The following ARHGAP5 variants were observed in gnomAD, a reference collection of about 807,000 sequenced individuals.
The protein encoded by ARHGAP5 is Rho GTPase activating protein 5, also known as rho GTPase-activating protein 5.
A neutral mutation model predicts 116.6 loss-of-function variants in ARHGAP5; 23 were observed. The ratio of observed to expected loss-of-function variants is 0.20; its 90% CI spans 0.14 to 0.28. The LOEUF (loss-of-function observed/expected upper bound fraction) is 0.28, where lower values mean the gene tolerates loss of function less well. Among genes scored for constraint, ARHGAP5 ranks in the 10% least tolerant of loss-of-function variants. The pLI is 1.00. For synonymous variants in ARHGAP5, 574 were observed against 602.0 expected, an observed-to-expected ratio of 0.95 and a Z score of 0.68; for missense variants, 1,405 against 1,774.8, an observed-to-expected ratio of 0.79 and a Z score of 3.74.
intron 3 of ARHGAP5, among the ~76,000 whole-genome samples, chr14:32,138,042 C>T (rs1247258573): frequency 6.7e-6 from 1 of 150,114 alleles, no homozygotes; most frequent in African/African-American, 2.4e-5. Context: ...AGATCTTGAT[C>T]TTTAGTTTCT....
At chr14:32,121,898 T>C (rs1879905491) in intron 3 of ARHGAP5, among the ~76,000 whole-genome samples, 1 of 152,264 alleles carries the variant, frequency 6.6e-6, no homozygotes, top group African/African-American at 2.4e-5. Context: ...ATTCATGTTG[T>C]ATCACCTATC....
At chr14:32,084,626 A>T (rs2041810773) in intron 1 of ARHGAP5, among the ~76,000 whole-genome samples, 1 of 152,154 alleles carries the variant, frequency 6.6e-6, no homozygotes, top group Non-Finnish European at 1.5e-5. Context: ...CTTCTACGTT[A>T]TTTAGTCACC....
chr14:32,105,576 G>T (rs1878978699), intron 2 of ARHGAP5, among the ~76,000 whole-genome samples: 1 of 151,962 alleles, frequency 6.6e-6, no homozygotes, highest in African/African-American at 2.4e-5. Context: ...CACAGCCAGG[G>T]TGTTGACATT....
At chr14:32,107,177 A>T (rs190631345) in intron 2 of ARHGAP5, among the ~76,000 whole-genome samples, 1 of 152,356 alleles carries the variant, frequency 6.6e-6, no homozygotes, top group East Asian at 1.9e-4. Flanking sequence ...TGCACATAGT[A>T]TAGTAATTTC....
chr14:32,088,080 T>G (rs2041848374), intron 1 of ARHGAP5, among the ~76,000 whole-genome samples: 1 of 152,014 alleles, frequency 6.6e-6, no homozygotes, highest in South Asian at 2.1e-4. Context: ...CTCAGTATTT[T>G]GGGGTTTATG....
chr14:32,084,664 T>G (rs1030301852), intron 1 of ARHGAP5, among the ~76,000 whole-genome samples: 1 of 152,172 alleles, frequency 6.6e-6, no homozygotes, highest in African/African-American at 2.4e-5. Flanking sequence ...TTTTAATAGG[T>G]TGGTTCTCTC....
chr14:32,145,908 C>A (rs1213825987), intron 3 of ARHGAP5, among the ~76,000 whole-genome samples: 1 of 152,032 alleles, frequency 6.6e-6, no homozygotes, highest in Non-Finnish European at 1.5e-5. Flanking sequence ...AGATTAAGTA[C>A]ATTTATTGTT....
At chr14:32,090,069 T>A (rs1288351729) in intron 1 of ARHGAP5, among the ~76,000 whole-genome samples, 1 of 151,974 alleles carries the variant, frequency 6.6e-6, no homozygotes. Context: ...AGGAACCCTA[T>A]AATGTAAAAA....
In ARHGAP5 at chr14:32,092,177, A is replaced by T. The variant is rs781595022; in HGVS notation, c.1508A>T (p.Asp503Val). 5 of 1,613,736 alleles carry T rather than the reference A, an allele frequency of 3.1e-6. No homozygotes were observed. The highest frequency in any genetic ancestry group is 4.2e-6 in the Non-Finnish European group (5 of 1,179,768). Residue 503 changes from aspartate to valine, a missense_variant, in exon 2 of 7, where the codon GAT becomes GTT. Coordinates refer to ENST00000345122, the MANE Select transcript of ARHGAP5 (RefSeq NM_001030055.2). The surrounding 1 kb of genome is among the most constrained non-coding windows in gnomAD (Gnocchi z 4.1). Reference sequence around the variant, plus strand: ...TTTGAGCATTCTGAACTTTTTTATGATTTAGATCTTAATGCAACACCTAGT... The same window carrying T: ...TTTGAGCATTCTGAACTTTTTTATGTTTTAGATCTTAATGCAACACCTAGT... Reference protein sequence around the residue: ...MLFEHSELFYDLDLNATPSSD... With the variant: ...MLFEHSELFYVLDLNATPSSD...
chr14:32,116,438 AAAT>A (rs1226293417), intron 2 of ARHGAP5, among the ~76,000 whole-genome samples: 3 of 129,996 alleles, frequency 2.3e-5, no homozygotes, highest in African/African-American at 8.7e-5. Context: ...AAATACAAAA[AAAT>A]AATTAGCCGG....
At chr14:32,090,385 T>G in intron 1 of ARHGAP5, 117 bp from the exon 2 acceptor site, 1 of 421,396 alleles carries the variant, frequency 2.4e-6, no homozygotes, top group Non-Finnish European at 4.2e-6. Context: ...AGTTACCTCT[T>G]AAAATACATG....
intron 1 of ARHGAP5, among the ~76,000 whole-genome samples, chr14:32,081,672 G>A (rs924341631): frequency 3.3e-5 from 5 of 151,654 alleles, no homozygotes; most frequent in Admixed American, 6.6e-5. Context: ...AAATAAACAC[G>A]TAACGTTGGC....
intron 3 of ARHGAP5, among the ~76,000 whole-genome samples, chr14:32,122,676 T>C (rs1436527358): frequency 6.6e-6 from 1 of 152,200 alleles, no homozygotes; most frequent in African/African-American, 2.4e-5. Flanking sequence ...CCATTTTGAC[T>C]TAATTTTTGT....
At chr14:32,086,933 G>A (rs902509539) in intron 1 of ARHGAP5, among the ~76,000 whole-genome samples, 10 of 152,134 alleles carry the variant, frequency 6.6e-5, no homozygotes, top group Admixed American at 5.9e-4. Context: ...GATTGGGAAT[G>A]AAGAGATTTT....
intron 3 of ARHGAP5, among the ~76,000 whole-genome samples, chr14:32,133,981 C>T (rs1880651442): frequency 6.6e-6 from 1 of 152,114 alleles, no homozygotes; most frequent in Admixed American, 6.5e-5. Context: ...ATGAGGCCAG[C>T]TTCATCCCGA....
rs772954103 is a variant in ARHGAP5 at position 32,092,083 on chromosome 14, A to G, written c.1414A>G (p.Lys472Glu). Residue 472 changes from lysine (K) to glutamate (E), a missense_variant, in exon 2 of 7, where the codon AAA becomes GAA. By Grantham distance (56) the Lys-to-Glu change is moderately conservative (BLOSUM62 1). This residue lies in a region of ARHGAP5 where 944 missense variants were observed against 1,095.3 expected (regional missense o/e 0.86). Coordinates refer to ENST00000345122, the MANE Select transcript of ARHGAP5 (RefSeq NM_001030055.2). The surrounding 1 kb of genome is among the most constrained non-coding windows in gnomAD (Gnocchi z 4.1). ...CAAATATATCACTGAGGCTGATAGCAAAGAGGTATATGGTAGGCATCAGCG... is the reference window on the plus strand; with the variant it reads ...CAAATATATCACTGAGGCTGATAGCGAAGAGGTATATGGTAGGCATCAGCG... ...AYKYITEADS[K>E]EVYGRHQREI... 2.5e-6 allele frequency: 4 copies of G among 1,613,892 alleles called. No individual in the cohort carries two copies. The South Asian group carries it at 3.3e-5, about 13-fold the overall frequency.
Position 32,091,215 on chromosome 14 carries a change from C to A in ARHGAP5, c.546C>A (p.Asn182Lys). The A allele has an allele frequency of 2.5e-6, 4 of 1,612,852 alleles. No individual in the cohort carries two copies. Among genetic ancestry groups the A allele is most frequent in the Non-Finnish European group, 3.4e-6 (4 of 1,179,446 alleles). ...KFDDQLKFVN[N>K]LFVQLSKSKK... The stretch of plus-strand genomic sequence containing the variant: ...ATGATCAACTTAAATTTGTGAATAA[C>A]CTTTTTGTCCAGTTATCAAAATCAA... Residue 182 changes from asparagine to lysine, a missense_variant, in exon 2 of 7, where the codon AAC (asparagine) becomes AAA (lysine). Transcript: ENST00000345122.
chr14:32,152,379 ATG>A, intron 5 of ARHGAP5, 42 bp from the exon 6 acceptor site: 1 of 1,276,976 alleles, frequency 7.8e-7, no homozygotes, highest in Middle Eastern at 2.6e-4. Flanking sequence ...ATATTTTTAA[ATG>A]TGTAAGTTTT....
chr14:32,126,441 G>A (rs1052822247), intron 3 of ARHGAP5, among the ~76,000 whole-genome samples: 3 of 152,192 alleles, frequency 2.0e-5, no homozygotes, highest in South Asian at 2.1e-4. Flanking sequence ...ATGTGCGTGC[G>A]CAGGTGTGTT....
Sources: allele counts gnomAD v4.1 joint callset (sites outside exome capture counted in the v4.1 genomes callset), GRCh38; gene constraint gnomAD v4.1.1; regional missense constraint gnomAD v4.1.1; non-coding constraint Gnocchi (gnomAD v3.1); transcripts MANE v1.5; gene names NCBI Gene and HGNC (gene_info 2026-07-23, HGNC 2026-07-21).